The following COG5 variants were observed in gnomAD, a reference collection of about 807,000 sequenced individuals.
COG5 encodes conserved oligomeric Golgi complex subunit 5.
COG5 carries 86 observed loss-of-function variants against 110.4 expected under a neutral mutation model. The observed-to-expected ratio is 0.78, with a 90% CI of 0.65 to 0.93. The LOEUF (loss-of-function observed/expected upper bound fraction) is 0.93, where lower values mean the gene tolerates loss of function less well. COG5 is among the 40% of genes least tolerant of loss of function. The probability of loss-of-function intolerance (pLI) is 0.00; values close to 1 mark genes in which losing one functional copy is unlikely to be tolerated. For synonymous variants in COG5, 360 were observed against 334.6 expected (o/e 1.08, Z -0.83); for missense variants, 1,077 against 987.0 (o/e 1.09, Z -1.22).
intron 10 of COG5, among the ~76,000 whole-genome samples, chr7:107,351,533 T>C (rs1812135558): frequency 6.6e-6 from 1 of 152,016 alleles, no homozygotes; most frequent in Non-Finnish European, 1.5e-5. Context: ...ACCTACAGAA[T>C]GGGAGAAAAT....
At chr7:107,375,332 C>A (rs1186213293) in intron 7 of COG5, among the ~76,000 whole-genome samples, 3 of 152,008 alleles carry the variant, frequency 2.0e-5, no homozygotes, top group Non-Finnish European at 4.4e-5. Flanking sequence ...CATGAACATT[C>A]TGTACACCTC....
chr7:107,316,994 C>A (rs1017580522), intron 11 of COG5, among the ~76,000 whole-genome samples: 3 of 151,978 alleles, frequency 2.0e-5, no homozygotes, highest in African/African-American at 7.3e-5. Flanking sequence ...ATCATCATGA[C>A]CATAAGCAAA....
At chr7:107,279,510 C>T (rs975736194) in intron 14 of COG5, among the ~76,000 whole-genome samples, 1 of 151,866 alleles carries the variant, frequency 6.6e-6, no homozygotes, top group Non-Finnish European at 1.5e-5. Flanking sequence ...TCAAATTATT[C>T]TAAAAAAATA....
rs557931479 is a variant in COG5, at chr7:107,548,179, T to C, written c.349A>G (p.Ile117Val). Residue 117 changes from isoleucine (I) to valine (V), a missense_variant and splice_region_variant, in exon 5 of 22, where the codon ATA (isoleucine) becomes GTA (valine). Transcript: ENST00000297135. ...IGALQGAVDR[I>V]KAKIVEPYNK... Reference sequence around the variant, plus strand: ...TATGGTTCAACAATTTTTGCTTTTATCCTACAGGAAAAGAGAGGAGTGAGA... The same window carrying C: ...TATGGTTCAACAATTTTTGCTTTTACCCTACAGGAAAAGAGAGGAGTGAGA... 1.9e-6 allele frequency: 3 copies of C among 1,613,684 alleles called. No homozygotes were observed. Among genetic ancestry groups the C allele is most frequent in the East Asian group, 2.2e-5 (1 of 44,850 alleles).
intron 8 of COG5, among the ~76,000 whole-genome samples, chr7:107,369,473 C>G (rs1029478659): frequency 6.7e-6 from 1 of 150,372 alleles, no homozygotes; most frequent in Non-Finnish European, 1.5e-5. Flanking sequence ...TGCAACCTCT[C>G]CCTCCCAGGT....
chr7:107,417,670 T>C (rs1792965127), intron 6 of COG5, among the ~76,000 whole-genome samples: 1 of 152,144 alleles, frequency 6.6e-6, no homozygotes, highest in South Asian at 2.1e-4. Flanking sequence ...TTTCCAATAA[T>C]CTATGGGAGT....
chr7:107,454,199 A>G (rs530390271), intron 6 of COG5, among the ~76,000 whole-genome samples: 1 of 152,320 alleles, frequency 6.6e-6, no homozygotes, highest in African/African-American at 2.4e-5. Flanking sequence ...AAACCACTTA[A>G]AAGAACAACA....
At chr7:107,408,753 G>C (rs1332931087) in intron 7 of COG5, among the ~76,000 whole-genome samples, 2 of 152,166 alleles carry the variant, frequency 1.3e-5, no homozygotes, top group African/African-American at 4.8e-5. Context: ...TGCTGATCTA[G>C]ATCTTGTCAG....
rs183645754 is a variant in COG5, at chr7:107,519,328, C to T, written c.538+7909G>A. ...AGCAGAACTGAAGGAGACACAGACA[C>T]GAAAAATCCTTCAAAAAATTAATGA... is the stretch of plus-strand genomic sequence containing the variant. On this transcript the variant is annotated intron_variant, in intron 6 of 21. Transcript: ENST00000297135. 1.6e-3 allele frequency among the ~76,000 whole-genome samples: 245 copies of T among 151,796 alleles called. 3 individuals are homozygous for T. The highest frequency in any genetic ancestry group is 5.6e-3 in the African/African-American group (234 of 41,434).
intron 11 of COG5, among the ~76,000 whole-genome samples, chr7:107,318,357 C>T (rs1808947316): frequency 6.6e-6 from 1 of 152,002 alleles, no homozygotes; most frequent in Admixed American, 6.6e-5. Context: ...AGATTCCTGT[C>T]ATATTGAGAG....
intron 16 of COG5, among the ~76,000 whole-genome samples, chr7:107,251,009 A>C (rs760561391): frequency 2.0e-5 from 3 of 152,040 alleles, no homozygotes; most frequent in Admixed American, 2.0e-4. Flanking sequence ...AATAATGAAA[A>C]GCATGAATTT....
At chr7:107,369,100 T>G (rs1262475705) in intron 8 of COG5, among the ~76,000 whole-genome samples, 1 of 152,132 alleles carries the variant, frequency 6.6e-6, no homozygotes, top group Admixed American at 6.5e-5. Flanking sequence ...TGCCCAGCAC[T>G]GGTATCTTAA....
intron 5 of COG5, among the ~76,000 whole-genome samples, chr7:107,537,749 G>T (rs1277571854): frequency 6.8e-6 from 1 of 146,590 alleles, no homozygotes; most frequent in East Asian, 2.0e-4. Context: ...AAAAAAAAAA[G>T]AAAGAAAAAA....
intron 19 of COG5, among the ~76,000 whole-genome samples, chr7:107,215,855 G>A (rs993849210): frequency 2.0e-5 from 3 of 151,300 alleles, no homozygotes; most frequent in African/African-American, 4.9e-5. Context: ...GACTAGAGGC[G>A]CCTGCCACCA....
rs181035971 is a variant in COG5, at chr7:107,256,832, A to G, written c.1687-38T>C. ...TTTGATCCAGTTATAGTTTCGCTTA[A>G]GTCTATTTCTGTAAATACTAATTTT... On this transcript the variant is annotated intron_variant, in intron 15 of 21. Coordinates refer to ENST00000297135, the MANE Select transcript of COG5 (RefSeq NM_006348.5). 628 of 1,465,106 alleles carry G rather than the reference A, an allele frequency of 4.3e-4. 1 individual carries two copies. Among genetic ancestry groups the G allele is most frequent in the Non-Finnish European group, 5.7e-4 (596 of 1,046,610 alleles). The allele number at this position is 1,465,106 out of a possible 1,614,324, so 90.8% of individuals were successfully genotyped here.
intron 6 of COG5, among the ~76,000 whole-genome samples, chr7:107,489,054 T>C (rs1289340136): frequency 6.6e-6 from 1 of 152,146 alleles, no homozygotes; most frequent in Admixed American, 6.6e-5. Context: ...TTTTCTTGTA[T>C]CTGTAATTAG....
At chr7:107,313,440 A>G (rs1399303293) in intron 11 of COG5, among the ~76,000 whole-genome samples, 1 of 152,200 alleles carries the variant, frequency 6.6e-6, no homozygotes, top group Non-Finnish European at 1.5e-5. Context: ...GAGTACCACC[A>G]TGTTGGAAAA....
chr7:107,228,058 G>C (rs1408339745), intron 19 of COG5, among the ~76,000 whole-genome samples: 2 of 152,106 alleles, frequency 1.3e-5, no homozygotes, highest in Admixed American at 6.5e-5. Flanking sequence ...CCAGCAGTCT[G>C]GGGGGCTGAG....
chr7:107,425,505 TAAAA>T (rs202168362), intron 6 of COG5, among the ~76,000 whole-genome samples: 2 of 137,094 alleles, frequency 1.5e-5, no homozygotes, highest in African/African-American at 2.7e-5. Flanking sequence ...TGAATTTTAC[TAAAA>T]AAAAAAAAAC....
Sources: gnomAD v4.1 joint callset for allele counts (sites outside exome capture counted in the v4.1 genomes callset) on GRCh38, gnomAD v4.1.1 for gene constraint, MANE v1.5 for transcripts, NCBI Gene and HGNC (gene_info 2026-07-23, HGNC 2026-07-21) for gene names.